SLCO3A1: variants seen among roughly 807,000 people sequenced by gnomAD.
SLCO3A1 encodes the protein PGE1 transporter.
Under a neutral mutation model 63.1 loss-of-function variants are expected in SLCO3A1, and 27 were observed. The observed-to-expected ratio is 0.43, with a 90% CI of 0.32 to 0.59. The LOEUF is 0.59. Among genes scored for constraint, SLCO3A1 ranks in the 20% least tolerant of loss-of-function variants. The pLI is 0.09. For synonymous variants in SLCO3A1, 473 were observed against 409.9 expected, an observed-to-expected ratio of 1.15 and a Z score of -1.86; for missense variants, 773 against 945.8, an observed-to-expected ratio of 0.82 and a Z score of 2.40.
At chr15:92,090,934 T>G (rs1363727544) in intron 2 of SLCO3A1, among the ~76,000 whole-genome samples, 1 of 152,134 alleles carries the variant, frequency 6.6e-6, no homozygotes, top group Non-Finnish European at 1.5e-5. Flanking sequence ...AAGAAGAAGC[T>G]GAGGCATGGG....
chr15:92,037,482 A>G (rs1204877757), intron 2 of SLCO3A1, among the ~76,000 whole-genome samples: 2 of 152,214 alleles, frequency 1.3e-5, no homozygotes, highest in African/African-American at 4.8e-5. Flanking sequence ...ATGTGTCCAT[A>G]TAACAGGGAG....
At chr15:92,084,645 T>A (rs949103103) in intron 2 of SLCO3A1, among the ~76,000 whole-genome samples, 19 of 152,246 alleles carry the variant, frequency 1.2e-4, no homozygotes, top group South Asian at 4.2e-4. Flanking sequence ...GGATGGCCTG[T>A]TTGGCTTTGC....
intron 2 of SLCO3A1, among the ~76,000 whole-genome samples, chr15:91,961,671 G>T (rs1373320342): frequency 1.3e-5 from 2 of 152,192 alleles, no homozygotes; most frequent in Non-Finnish European, 2.9e-5. Context: ...CCATCAGAGA[G>T]GCCTTCCCTG....
chr15:91,923,504 T>A (rs1597124242), intron 2 of SLCO3A1, among the ~76,000 whole-genome samples: 1 of 152,178 alleles, frequency 6.6e-6, no homozygotes, highest in East Asian at 1.9e-4. Flanking sequence ...GGAGAGCCAG[T>A]TTGTATTAAT....
chr15:92,102,945 T>G (rs1027231303), intron 3 of SLCO3A1, among the ~76,000 whole-genome samples: 52 of 152,322 alleles, frequency 3.4e-4, no homozygotes, highest in African/African-American at 1.1e-3. Context: ...AGTTACTCCA[T>G]CTATAGAAAA....
chr15:91,951,088 C>A (rs972673751), intron 2 of SLCO3A1, among the ~76,000 whole-genome samples: 1 of 152,100 alleles, frequency 6.6e-6, no homozygotes, highest in Admixed American at 6.5e-5. Context: ...AATTCACATA[C>A]CACAAAATTC....
chr15:91,864,106 G>A (rs1246474718), intron 1 of SLCO3A1, among the ~76,000 whole-genome samples: 1 of 152,188 alleles, frequency 6.6e-6, no homozygotes, highest in East Asian at 1.9e-4. Context: ...GCAGTGCTTG[G>A]GCTAAATCCA....
chr15:91,891,846 A>C (rs1403487361), intron 1 of SLCO3A1, among the ~76,000 whole-genome samples: 1 of 152,228 alleles, frequency 6.6e-6, no homozygotes, highest in African/African-American at 2.4e-5. Flanking sequence ...CAGGCTTTGC[A>C]GGCCATACTG....
At chr15:92,035,820 T>G (rs1182744618) in intron 2 of SLCO3A1, among the ~76,000 whole-genome samples, 2 of 151,806 alleles carry the variant, frequency 1.3e-5, no homozygotes, top group African/African-American at 4.8e-5. Flanking sequence ...CAGTGCTGTT[T>G]GCAGAGCCTG....
intron 2 of SLCO3A1, among the ~76,000 whole-genome samples, chr15:92,072,465 T>C (rs2047228241): frequency 6.6e-6 from 1 of 152,224 alleles, no homozygotes; most frequent in African/African-American, 2.4e-5. Flanking sequence ...TTTCAAATTT[T>C]GGCAATGGGC....
chr15:92,099,437 G>A (rs751730124), intron 3 of SLCO3A1, among the ~76,000 whole-genome samples: 7 of 118,456 alleles, frequency 5.9e-5, no homozygotes, highest in Admixed American at 1.0e-4. Flanking sequence ...AAACAAATGG[G>A]TAAATGAACT....
At chr15:92,056,075 C>A (rs2047017668) in intron 2 of SLCO3A1, among the ~76,000 whole-genome samples, 1 of 152,046 alleles carries the variant, frequency 6.6e-6, no homozygotes, top group East Asian at 1.9e-4. Context: ...ATATTTTTCC[C>A]ATGTAGTCTT....
intron 2 of SLCO3A1, among the ~76,000 whole-genome samples, chr15:91,963,435 G>A (rs56279925): frequency 0.056 from 8,480 of 150,218 alleles, 389 homozygotes; most frequent in Non-Finnish European, 0.088. Context: ...AGCAGCCTGG[G>A]GCTGATTAAC....
At chr15:91,922,598 A>G (rs908311297) in intron 2 of SLCO3A1, among the ~76,000 whole-genome samples, 11 of 152,190 alleles carry the variant, frequency 7.2e-5, no homozygotes, top group Admixed American at 6.5e-4. Context: ...TTAACTTGAC[A>G]TTGGGTAAAA....
At chr15:91,955,478 G>A (rs1281021674) in intron 2 of SLCO3A1, among the ~76,000 whole-genome samples, 3 of 152,098 alleles carry the variant, frequency 2.0e-5, no homozygotes, top group Admixed American at 6.6e-5. Context: ...GACTACAGGC[G>A]TGTGCCGCCC....
chr15:91,902,670 G>T (rs1898190157), intron 1 of SLCO3A1, among the ~76,000 whole-genome samples: 1 of 152,024 alleles, frequency 6.6e-6, no homozygotes, highest in South Asian at 2.1e-4. Flanking sequence ...GTCTTGAAAT[G>T]GTTGTTTTTG....
intron 1 of SLCO3A1, among the ~76,000 whole-genome samples, chr15:91,876,839 G>C (rs1897412872): frequency 6.6e-6 from 1 of 152,232 alleles, no homozygotes; most frequent in Non-Finnish European, 1.5e-5. Context: ...TGTGGCCTAT[G>C]GTAGAGGGAC....
rs1898120056 is a variant in SLCO3A1 at position 91,900,327 on chromosome 15, GTTTGTT to G, written c.181-15664_181-15659del. Among the ~76,000 whole-genome samples, 1 of 152,090 alleles carries G rather than the reference GTTTGTT, an allele frequency of 6.6e-6. No homozygotes were observed. The highest frequency in any genetic ancestry group is 6.6e-5 in the Admixed American group (1 of 15,256). ...CGTGAATACTTTGTATTGTCTGTTC[GTTTGTT>G]TGTTTTTGTTTTTTGAGATGGAGTC... On this transcript the variant is annotated intron_variant, in intron 1 of 9. Transcript: ENST00000318445. This position sits in a 1 kb window ranked among gnomAD's most constrained non-coding sequence, Gnocchi z 4.3.
At chr15:92,141,006 G>A (rs1381573483) in intron 7 of SLCO3A1, among the ~76,000 whole-genome samples, 1 of 152,202 alleles carries the variant, frequency 6.6e-6, no homozygotes, top group African/African-American at 2.4e-5. Flanking sequence ...TGTTGGATAT[G>A]TTCTCGTAGA....
Sources: gnomAD v4.1 joint callset for allele counts (sites outside exome capture counted in the v4.1 genomes callset) on GRCh38, gnomAD v4.1.1 for gene constraint, Gnocchi (gnomAD v3.1) non-coding constraint, MANE v1.5 for transcripts, NCBI Gene and HGNC (gene_info 2026-07-23, HGNC 2026-07-21) for gene names.